The following MAGI3 variants were observed in gnomAD, a reference collection of about 807,000 sequenced individuals.
The protein encoded by MAGI3 is membrane-associated guanylate kinase, WW and PDZ domain-containing protein 3.
A neutral mutation model predicts 121.8 loss-of-function variants in MAGI3; 43 were observed. The observed-to-expected ratio is 0.35, with a 90% CI of 0.28 to 0.46. The LOEUF is 0.46. Ranked by LOEUF, MAGI3 falls within the 20% of genes least tolerant of loss-of-function variation. The pLI is 1.00. For synonymous variants in MAGI3, 553 were observed against 639.3 expected (o/e 0.86, Z 2.04); for missense variants, 1,547 against 1,797.3 (o/e 0.86, Z 2.52).
At chr1:113,535,510 G>T (rs562697445) in intron 1 of MAGI3, among the ~76,000 whole-genome samples, 3 of 151,998 alleles carry the variant, frequency 2.0e-5, no homozygotes, top group African/African-American at 7.2e-5. Context: ...ATCAGTAGTT[G>T]AAGACACGTT....
At chr1:113,674,868 A>AT (rs745604244) in intron 19 of MAGI3, among the ~76,000 whole-genome samples, 1 of 152,246 alleles carries the variant, frequency 6.6e-6, no homozygotes, top group Non-Finnish European at 1.5e-5. Context: ...AATAGAGAAG[A>AT]TTTCACAGAA....
chr1:113,516,164 AT>A (rs1657888707), intron 1 of MAGI3, among the ~76,000 whole-genome samples: 1 of 152,050 alleles, frequency 6.6e-6, no homozygotes, highest in Non-Finnish European at 1.5e-5. Context: ...TAGTACATAG[AT>A]TAATAGACAC....
At chr1:113,628,473 T>A (rs1651382965) in intron 9 of MAGI3, among the ~76,000 whole-genome samples, 1 of 152,206 alleles carries the variant, frequency 6.6e-6, no homozygotes, top group Non-Finnish European at 1.5e-5. Flanking sequence ...AATTACAGTT[T>A]AATATTCTAT....
At chr1:113,619,617 T>C in intron 7 of MAGI3, 119 bp from the exon 8 acceptor site, 2 of 665,846 alleles carry the variant, frequency 3.0e-6, no homozygotes, top group Non-Finnish European at 5.2e-6. Flanking sequence ...CCATGTTCCA[T>C]AGCCTAAAGA....
intron 2 of MAGI3, among the ~76,000 whole-genome samples, chr1:113,578,142 G>T (rs984485800): frequency 1.3e-5 from 2 of 152,132 alleles, no homozygotes; most frequent in Admixed American, 1.3e-4. Flanking sequence ...CTTTTTGTTG[G>T]CTTGGGCTCT....
At chr1:113,642,569 ACT>A (rs1652609596) in intron 10 of MAGI3, 53 bp downstream of exon 10, 1 of 1,535,972 alleles carries the variant, frequency 6.5e-7, no homozygotes, top group African/African-American at 1.4e-5. Context: ...GTTTATATCT[ACT>A]GATTGTCTTT....
intron 1 of MAGI3, among the ~76,000 whole-genome samples, chr1:113,416,142 A>ATG (rs1652323487): frequency 7.3e-6 from 1 of 137,148 alleles, no homozygotes; most frequent in South Asian, 2.4e-4. Flanking sequence ...CATATTAATT[A>ATG]TGTAATTAAT....
chr1:113,402,833 C>A (rs1412856359), intron 1 of MAGI3, among the ~76,000 whole-genome samples: 2 of 152,068 alleles, frequency 1.3e-5, no homozygotes, highest in African/African-American at 4.8e-5. Flanking sequence ...CTGGCCACAG[C>A]AGAGGACAAG....
At chr1:113,448,787 G>A (rs569735043) in intron 1 of MAGI3, among the ~76,000 whole-genome samples, 36 of 151,968 alleles carry the variant, frequency 2.4e-4, no homozygotes, top group African/African-American at 7.7e-4. Context: ...CCCGGCCCTC[G>A]ATGCATTTTT....
chr1:113,520,025 G>A (rs1658101924), intron 1 of MAGI3, among the ~76,000 whole-genome samples: 1 of 152,152 alleles, frequency 6.6e-6, no homozygotes, highest in South Asian at 2.1e-4. Flanking sequence ...TATAGGTAAA[G>A]TTTGTCTATC....
At chr1:113,411,649 C>G (rs1031675710) in intron 1 of MAGI3, among the ~76,000 whole-genome samples, 16 of 151,506 alleles carry the variant, frequency 1.1e-4, no homozygotes, top group Admixed American at 1.3e-4. Flanking sequence ...AAAACTTACT[C>G]GCTTCTTTGA....
chr1:113,655,333 C>G (rs1653411790), intron 15 of MAGI3, among the ~76,000 whole-genome samples: 1 of 152,218 alleles, frequency 6.6e-6, no homozygotes, highest in South Asian at 2.1e-4. Flanking sequence ...TAACCACTTT[C>G]TATATTGAAG....
At chr1:113,492,086 T>C (rs556599764) in intron 1 of MAGI3, among the ~76,000 whole-genome samples, 1 of 152,276 alleles carries the variant, frequency 6.6e-6, no homozygotes, top group African/African-American at 2.4e-5. Context: ...TTTAGGCCAA[T>C]ATCCTTGATG....
chr1:113,678,180 A>G (rs1647998055), intron 19 of MAGI3, among the ~76,000 whole-genome samples: 1 of 152,110 alleles, frequency 6.6e-6, no homozygotes, highest in Admixed American at 6.5e-5. Flanking sequence ...AGCTTAAGCT[A>G]AAGAATGTGA....
At chr1:113,549,732 G>T (rs1659687120) in intron 2 of MAGI3, 101 bp downstream of exon 2, 2 of 604,880 alleles carry the variant, frequency 3.3e-6, no homozygotes, top group South Asian at 6.8e-5. Flanking sequence ...ATGAAATTGT[G>T]AAGACTAAGT....
At chr1:113,476,768 C>T (rs1184127953) in intron 1 of MAGI3, among the ~76,000 whole-genome samples, 2 of 151,982 alleles carry the variant, frequency 1.3e-5, no homozygotes, top group Non-Finnish European at 2.9e-5. Context: ...TTCAGGTCCT[C>T]GATATCCTTG....
chr1:113,646,781 T>C, intron 12 of MAGI3, 139 bp downstream of exon 12: 1 of 634,904 alleles, frequency 1.6e-6, no homozygotes. Flanking sequence ...TCTGGACTTC[T>C]TCCATGTATA....
chr1:113,458,550 G>C (rs1027155313), intron 1 of MAGI3, among the ~76,000 whole-genome samples: 2 of 151,996 alleles, frequency 1.3e-5, no homozygotes, highest in Non-Finnish European at 2.9e-5. Context: ...TCACTCTGTT[G>C]CCCAGACTGG....
At chr1:113,643,641 G>C (rs1324799239) in intron 10 of MAGI3, 102 bp from the exon 11 acceptor site, 1 of 1,024,792 alleles carries the variant, frequency 9.8e-7, no homozygotes, top group Non-Finnish European at 1.5e-6. Context: ...GAATTTACTA[G>C]CGTACTAAAA....
Sources: allele counts gnomAD v4.1 joint callset (sites outside exome capture counted in the v4.1 genomes callset), GRCh38; gene constraint gnomAD v4.1.1; transcripts MANE v1.5; gene names NCBI Gene and HGNC (gene_info 2026-07-23, HGNC 2026-07-21).